Variants in USP39 observed in about 807,000 individuals in gnomAD.
The protein encoded by USP39 is ubiquitin carboxyl-terminal hydrolase 39.
USP39 carries 38 observed loss-of-function variants against 66.4 expected under a neutral mutation model. The observed-to-expected ratio is 0.57, with a 90% CI of 0.44 to 0.75. USP39 has a LOEUF of 0.75. Among genes scored for constraint, USP39 ranks in the 30% least tolerant of loss-of-function variants. The pLI, the probability that USP39 is intolerant of heterozygous loss-of-function variation, is 0.00. For synonymous variants in USP39, 303 were observed against 274.6 expected (o/e 1.10, Z -1.02); for missense variants, 608 against 714.4 (o/e 0.85, Z 1.70).
At chr2:85,627,694 G>A (rs573435615) in intron 5 of USP39, among the ~76,000 whole-genome samples, 1 of 152,196 alleles carries the variant, frequency 6.6e-6, no homozygotes, top group East Asian at 1.9e-4. Flanking sequence ...AGCTGTTTGG[G>A]AGGCTGAGGT....
At chr2:85,609,029 T>G, upstream of USP39, 1 of 1,614,242 alleles carries the variant, frequency 6.2e-7, no homozygotes. Context: ...GAGGCGTGTG[T>G]GCCGACACCT....
chr2:85,643,283 G>A (rs1676386354), intron 10 of USP39, among the ~76,000 whole-genome samples: 1 of 152,056 alleles, frequency 6.6e-6, no homozygotes, highest in African/African-American at 2.4e-5. Flanking sequence ...GAGGTCAGGA[G>A]ATCGAGACCA....
chr2:85,623,858 C>T (rs1558854691), intron 4 of USP39, 76 bp downstream of exon 4: 4 of 1,469,702 alleles, frequency 2.7e-6, no homozygotes, highest in Non-Finnish European at 3.7e-6. Flanking sequence ...ACTGCCCCAC[C>T]TGAGGACAGG....
At chr2:85,621,318 C>T (rs1674445173) in intron 2 of USP39, 167 bp from the exon 3 acceptor site, 4 of 574,912 alleles carry the variant, frequency 7.0e-6, no homozygotes, top group African/African-American at 1.9e-5. Flanking sequence ...TGGAGCATGG[C>T]GGGTGGAGGT....
At chr2:85,615,636 G>A (rs1008449883), upstream of USP39, among the ~76,000 whole-genome samples, 3 of 152,108 alleles carry the variant, frequency 2.0e-5, no homozygotes, top group Non-Finnish European at 4.4e-5. Flanking sequence ...CCGAATGACA[G>A]CTTCTTTGTT....
chr2:85,631,738 T>G (rs928673401), intron 6 of USP39, among the ~76,000 whole-genome samples: 1 of 151,852 alleles, frequency 6.6e-6, no homozygotes, highest in African/African-American at 2.4e-5. Flanking sequence ...TATTTTTGTT[T>G]TGTTTTGTTT....
At chr2:85,641,973 T>C (rs560954962) in intron 10 of USP39, among the ~76,000 whole-genome samples, 18 of 149,500 alleles carry the variant, frequency 1.2e-4, no homozygotes. Context: ...TTCCATGTAG[T>C]GTTTAAGAAA....
At chr2:85,626,795 G>A (rs943751253) in intron 5 of USP39, among the ~76,000 whole-genome samples, 3 of 151,242 alleles carry the variant, frequency 2.0e-5, no homozygotes, top group African/African-American at 7.3e-5. Flanking sequence ...TCAGCTCACT[G>A]CAACCTCTGC....
upstream of USP39, chr2:85,609,161 GC>G: frequency 1.3e-6 from 2 of 1,518,098 alleles, no homozygotes; most frequent in Non-Finnish European, 1.8e-6. Flanking sequence ...ACTCCATTTA[GC>G]TCAAGGCTTT....
chr2:85,611,177 C>T, upstream of USP39: 2 of 1,012,272 alleles, frequency 2.0e-6, no homozygotes, highest in Non-Finnish European at 1.2e-6. Context: ...CATTGCACTC[C>T]AGCCTGGGCG....
intron 11 of USP39, 186 bp downstream of exon 11, chr2:85,645,269 C>T: frequency 1.6e-6 from 1 of 624,858 alleles, no homozygotes; most frequent in Non-Finnish European, 2.6e-6. Context: ...TTGGACTCAC[C>T]TTGGGAGCTT....
upstream of USP39, chr2:85,609,640 T>C (rs1239219913): frequency 2.5e-6 from 4 of 1,601,328 alleles, no homozygotes; most frequent in African/African-American, 4.0e-5. Context: ...CTGAAGGCCC[T>C]GTCCATAGAG....
At chr2:85,609,874 T>C (rs1374320927), upstream of USP39, among the ~76,000 whole-genome samples, 2 of 151,846 alleles carry the variant, frequency 1.3e-5, no homozygotes, top group African/African-American at 4.8e-5. Flanking sequence ...AGAGATGGGG[T>C]TTTACCATGT....
intron 9 of USP39, 168 bp downstream of exon 9, chr2:85,639,559 A>G: frequency 1.7e-6 from 1 of 602,264 alleles, no homozygotes; most frequent in South Asian, 2.6e-5. Flanking sequence ...GTTTCAAGCG[A>G]TTCTCCTGCC....
upstream of USP39, among the ~76,000 whole-genome samples, chr2:85,615,318 C>T (rs769487084): frequency 2.2e-4 from 33 of 152,100 alleles, no homozygotes; most frequent in Non-Finnish European, 4.4e-4. Flanking sequence ...CAGCGCCTGG[C>T]CTAAATTGCA....
At chr2:85,636,185 C>T (rs376553400) in intron 7 of USP39, 55 bp downstream of exon 7, 108 of 1,554,522 alleles carry the variant, frequency 6.9e-5, no homozygotes, top group Middle Eastern at 1.7e-4. Context: ...AAAAACTTTG[C>T]GGTCGGTCGC....
At chr2:85,619,403 C>G in intron 2 of USP39, 114 bp downstream of exon 2, 3 of 1,060,944 alleles carry the variant, frequency 2.8e-6, no homozygotes, top group South Asian at 3.0e-5. Context: ...TTGAACCTGT[C>G]TAGAGAGTTG....
At chr2:85,637,147 G>A (rs1675835041) in intron 7 of USP39, among the ~76,000 whole-genome samples, 1 of 152,180 alleles carries the variant, frequency 6.6e-6, no homozygotes, top group Non-Finnish European at 1.5e-5. Context: ...TGTGATGGAG[G>A]ATAAAAAGTT....
chr2:85,648,880 T>C lies in USP39; in HGVS notation c.*72T>C. ...TAAATAAGAACACAGAAGCTGTAGC[T>C]GAACACAGGCTGGCTGGTGGGCTTC... On this transcript the variant is annotated 3_prime_UTR_variant, in exon 13 of 13. Transcript: ENST00000323701. 6.3e-7 allele frequency: 1 copy of C among 1,587,420 alleles called. No individual in the cohort carries two copies. Among genetic ancestry groups the C allele is most frequent in the Non-Finnish European group, 8.6e-7 (1 of 1,159,106 alleles).
Sources: allele counts gnomAD v4.1 joint callset (sites outside exome capture counted in the v4.1 genomes callset), GRCh38; gene constraint gnomAD v4.1.1; transcripts MANE v1.5; gene names NCBI Gene and HGNC (gene_info 2026-07-23, HGNC 2026-07-21).